The following ENDOD1 variants were observed in gnomAD, a reference collection of about 807,000 sequenced individuals.
ENDOD1 encodes endonuclease domain containing 1, also known as endonuclease domain-containing 1 protein.
ENDOD1 carries 9 observed loss-of-function variants against 6.5 expected under a neutral mutation model. The ratio of observed to expected loss-of-function variants is 1.39; its 90% CI spans 0.84 to 2.43. The LOEUF is 2.43. ENDOD1 is among the 30% of genes most tolerant of loss of function. The probability of loss-of-function intolerance (pLI) is 0.00; values close to 1 mark genes in which losing one functional copy is unlikely to be tolerated. For synonymous variants in ENDOD1, 255 were observed against 255.2 expected (o/e 1.00, Z 0.01); for missense variants, 648 against 635.5 (o/e 1.02, Z -0.21).
At chr11:95,103,831 C>T (rs1859064469) in intron 1 of ENDOD1, among the ~76,000 whole-genome samples, 1 of 152,182 alleles carries the variant, frequency 6.6e-6, no homozygotes, top group Admixed American at 6.5e-5. Flanking sequence ...TTGCATTGTG[C>T]CTAAACACTC....
Position 95,128,515 on chromosome 11 carries a change from T to C in ENDOD1, c.439T>C (p.Phe147Leu), listed in dbSNP as rs201274850. ...TTACCAAAGAGGACAGCTTTACCCA[T>C]TCTCCCTTAGCAGTGATGTCCAGGT... The part of the protein sequence containing the change: ...SDYQRGQLYP[F>L]SLSSDVQVAT... Residue 147 changes from phenylalanine to leucine, a missense_variant, in exon 2 of 2, where the codon TTC (phenylalanine) becomes CTC (leucine). Coordinates refer to ENST00000278505, the MANE Select transcript of ENDOD1 (RefSeq NM_015036.3). 6.2e-7 allele frequency: 1 copy of C among 1,614,262 alleles called. No individual in the cohort carries two copies. The highest frequency in any genetic ancestry group is 8.5e-7 in the Non-Finnish European group (1 of 1,180,054).
intron 1 of ENDOD1, among the ~76,000 whole-genome samples, chr11:95,101,027 C>G (rs1859034871): frequency 6.6e-6 from 1 of 152,066 alleles, no homozygotes; most frequent in East Asian, 1.9e-4. Flanking sequence ...ATTCTAAGTT[C>G]CCTGAAGGCA....
At chr11:95,125,803 A>G (rs1381220226) in intron 1 of ENDOD1, among the ~76,000 whole-genome samples, 1 of 152,126 alleles carries the variant, frequency 6.6e-6, no homozygotes, top group Non-Finnish European at 1.5e-5. Context: ...ATAGTATTCC[A>G]TGGTGTATAT....
chr11:95,128,825 T>C lies in ENDOD1; in HGVS notation c.749T>C (p.Met250Thr), dbSNP rs758355429. ...GACAGTGACATCATAGAAGATGTGA[T>C]GGTAAAAGATCTTCAGAAACTGCTT... ...TRDSDIIEDV[M>T]VKDLQKLLPF... The change falls in exon 2 of 2, where the codon ATG becomes ACG. Residue 250 changes from methionine to threonine, a missense_variant. Met to Thr is a moderately conservative substitution (Grantham distance 81). Transcript: ENST00000278505. The C allele has an allele frequency of 6.8e-6, 11 of 1,614,156 alleles. No individual in the cohort carries two copies. The highest frequency in any genetic ancestry group is 9.3e-6 in the Non-Finnish European group (11 of 1,180,008).
chr11:95,118,103 A>T (rs628505), intron 1 of ENDOD1, among the ~76,000 whole-genome samples: 114,304 of 152,088 alleles, frequency 0.75, 44,423 homozygotes, highest in East Asian at 0.89. Context: ...GTTTCTATTT[A>T]TATCTTATTG....
chr11:95,106,460 C>T (rs782389868), intron 1 of ENDOD1, among the ~76,000 whole-genome samples: 1 of 151,966 alleles, frequency 6.6e-6, no homozygotes, highest in South Asian at 2.1e-4. Flanking sequence ...AGAAATTTGG[C>T]GGGGAGGCCT....
chr11:95,126,976 A>C (rs1859318106), intron 1 of ENDOD1, among the ~76,000 whole-genome samples: 1 of 152,180 alleles, frequency 6.6e-6, no homozygotes, highest in Non-Finnish European at 1.5e-5. Flanking sequence ...ATGAACCACC[A>C]TGCCTGGCCA....
intron 1 of ENDOD1, among the ~76,000 whole-genome samples, chr11:95,123,158 C>T (rs1462879142): frequency 6.7e-6 from 1 of 148,360 alleles, no homozygotes; most frequent in African/African-American, 2.5e-5. Context: ...CACTGCACTG[C>T]AGCCTGAGCA....
At position 95,125,991 on chromosome 11, in the gene ENDOD1, T is replaced by G. The variant is rs1344896603; in HGVS notation, c.301-2386T>G. Among the ~76,000 whole-genome samples, 4 of 152,196 alleles carry G rather than the reference T, an allele frequency of 2.6e-5. No homozygotes were observed. The South Asian group carries it at 8.3e-4, about 32-fold the overall frequency. On this transcript the variant is annotated intron_variant, in intron 1 of 1. Coordinates refer to ENST00000278505, the MANE Select transcript of ENDOD1 (RefSeq NM_015036.3). ...GGATGGCTGGGTCAAATGGTATTTC[T>G]AGTTCTAGATCCCTGAGGAATCTCC...
At chr11:95,117,512 A>G (rs1310810211) in intron 1 of ENDOD1, among the ~76,000 whole-genome samples, 2 of 152,234 alleles carry the variant, frequency 1.3e-5, no homozygotes, top group East Asian at 1.9e-4. Context: ...TTATCATTAT[A>G]TAATAACCTT....
intron 1 of ENDOD1, among the ~76,000 whole-genome samples, chr11:95,092,643 C>T (rs545119334): frequency 2.6e-5 from 4 of 152,238 alleles, no homozygotes; most frequent in Non-Finnish European, 5.9e-5. Flanking sequence ...GGCTGGCCTC[C>T]CACATCCACC....
intron 1 of ENDOD1, among the ~76,000 whole-genome samples, chr11:95,123,678 G>A (rs552711251): frequency 1.3e-5 from 2 of 152,168 alleles, no homozygotes; most frequent in Admixed American, 6.5e-5. Flanking sequence ...GCTTGCTTTA[G>A]GAGAAACGTT....
chr11:95,106,825 C>A (rs1332485612), intron 1 of ENDOD1, among the ~76,000 whole-genome samples: 1 of 151,950 alleles, frequency 6.6e-6, no homozygotes, highest in Non-Finnish European at 1.5e-5. Context: ...TAGACACCCC[C>A]CCCTTTCCCC....
At chr11:95,107,250 C>T (rs1271579) in intron 1 of ENDOD1, among the ~76,000 whole-genome samples, 1 of 150,578 alleles carries the variant, frequency 6.6e-6, no homozygotes, top group Non-Finnish European at 1.5e-5. Context: ...AGGAGAATGG[C>T]GTGAACCTAG....
At chr11:95,102,487 C>A (rs1016112677) in intron 1 of ENDOD1, among the ~76,000 whole-genome samples, 1 of 151,308 alleles carries the variant, frequency 6.6e-6, no homozygotes. Flanking sequence ...GCCTGGCCAA[C>A]ATGGTGAAAC....
chr11:95,096,009 T>C (rs1858980093), intron 1 of ENDOD1, among the ~76,000 whole-genome samples: 1 of 152,202 alleles, frequency 6.6e-6, no homozygotes, highest in Admixed American at 6.5e-5. Flanking sequence ...AAATGCCAGC[T>C]TCAGATTTCT....
At chr11:95,107,772 T>C (rs1859104375) in intron 1 of ENDOD1, among the ~76,000 whole-genome samples, 1 of 152,160 alleles carries the variant, frequency 6.6e-6, no homozygotes, top group African/African-American at 2.4e-5. Context: ...GCGATTCTCC[T>C]GCCTCAGCCA....
Position 95,129,199 on chromosome 11 carries a change from T to C in ENDOD1, c.1123T>C (p.Cys375Arg). 6.2e-7 allele frequency: 1 copy of C among 1,614,186 alleles called. No homozygotes were observed. Among genetic ancestry groups the C allele is most frequent in the Non-Finnish European group, 8.5e-7 (1 of 1,180,034 alleles). Residue 375 changes from cysteine (C) to arginine (R), a missense_variant, in exon 2 of 2, where the codon TGC becomes CGC. Cys to Arg is a radical substitution (Grantham distance 180). Transcript: ENST00000278505. ...TKQVINGIES[C>R]LYRLGSATIS... ...GCAGGTGATTAATGGCATAGAAAGTTGCCTTTACCGCCTGGGCTCAGCCAC... is the reference window on the plus strand; with the variant it reads ...GCAGGTGATTAATGGCATAGAAAGTCGCCTTTACCGCCTGGGCTCAGCCAC...
Position 95,090,091 on chromosome 11 carries a change from T to A in ENDOD1, c.164T>A (p.Ile55Asn). The stretch of plus-strand genomic sequence containing the variant: ...CTGGCGGCCGATTCCCACGTGAAGA[T>A]CTGTCAGCGCGCGGAGGGTGCTGAG... ...AGLAADSHVK[I>N]CQRAEGAERF... The change falls in exon 1 of 2, where the codon ATC (isoleucine) becomes AAC (asparagine). Residue 55 changes from isoleucine (I) to asparagine (N), a missense_variant. Transcript: ENST00000278505. 6.3e-7 allele frequency: 1 copy of A among 1,599,076 alleles called. No individual in the cohort carries two copies. Among genetic ancestry groups the A allele is most frequent in the Non-Finnish European group, 8.5e-7 (1 of 1,174,260 alleles).
Sources: gnomAD v4.1 joint callset for allele counts (sites outside exome capture counted in the v4.1 genomes callset) on GRCh38, gnomAD v4.1.1 for gene constraint, MANE v1.5 for transcripts, NCBI Gene and HGNC (gene_info 2026-07-23, HGNC 2026-07-21) for gene names.